ST6GALNAC3: variants seen among roughly 807,000 people sequenced by gnomAD.
ST6GALNAC3 encodes alpha-N-acetylgalactosaminide alpha-2,6-sialyltransferase 3.
In ST6GALNAC3, 25 loss-of-function variants were observed where a neutral mutation model predicts 32.7. The ratio of observed to expected loss-of-function variants is 0.76; its 90% confidence interval spans 0.56 to 1.07. The LOEUF (loss-of-function observed/expected upper bound fraction) is 1.07, where lower values mean the gene tolerates loss of function less well. Ranked by LOEUF, ST6GALNAC3 falls within the 50% of genes least tolerant of loss-of-function variation. ST6GALNAC3 has a pLI of 0.00. For missense variants in ST6GALNAC3, 355 were observed against 382.4 expected, an observed-to-expected ratio of 0.93 and a Z score of 0.60; for synonymous variants, 129 against 133.1, an observed-to-expected ratio of 0.97 and a Z score of 0.21.
chr1:76,470,805 A>C (rs1046069769), intron 3 of ST6GALNAC3, among the ~76,000 whole-genome samples: 2 of 152,096 alleles, frequency 1.3e-5, no homozygotes, highest in African/African-American at 4.8e-5. Context: ...GATTAGCTCC[A>C]CATAAACTGG....
intron 2 of ST6GALNAC3, among the ~76,000 whole-genome samples, chr1:76,322,629 G>A (rs1230311472): frequency 6.6e-6 from 1 of 152,118 alleles, no homozygotes; most frequent in Non-Finnish European, 1.5e-5. Flanking sequence ...CAAATTGTGA[G>A]TTCTTATTTT....
At chr1:76,208,991 G>A (rs1557697823) in intron 1 of ST6GALNAC3, among the ~76,000 whole-genome samples, 1 of 152,110 alleles carries the variant, frequency 6.6e-6, no homozygotes, top group Non-Finnish European at 1.5e-5. Flanking sequence ...CATCTTTAAT[G>A]ATAAATTTAT....
intron 3 of ST6GALNAC3, among the ~76,000 whole-genome samples, chr1:76,620,376 G>A (rs566508362): frequency 2.3e-4 from 35 of 152,202 alleles, no homozygotes; most frequent in African/African-American, 8.2e-4. Flanking sequence ...TAGGTGTGTT[G>A]AGGAGGGTCT....
intron 3 of ST6GALNAC3, among the ~76,000 whole-genome samples, chr1:76,620,411 T>G (rs1430821842): frequency 6.6e-6 from 1 of 152,098 alleles, no homozygotes; most frequent in Non-Finnish European, 1.5e-5. Flanking sequence ...TGTCTTGGTC[T>G]GCCCTGGCCA....
chr1:76,234,849 CAAT>C (rs1656559495), intron 1 of ST6GALNAC3, among the ~76,000 whole-genome samples: 1 of 152,174 alleles, frequency 6.6e-6, no homozygotes, highest in South Asian at 2.1e-4. Context: ...AGAATACAAG[CAAT>C]AATAGCAAAT....
At chr1:76,091,427 C>T (rs1380416008) in intron 1 of ST6GALNAC3, among the ~76,000 whole-genome samples, 1 of 152,156 alleles carries the variant, frequency 6.6e-6, no homozygotes, top group African/African-American at 2.4e-5. Flanking sequence ...GGACTTCTGC[C>T]CCATTGTGCA....
Position 76,212,064 on chromosome 1 carries a change from T to C in ST6GALNAC3, c.19-101741T>C, listed in dbSNP as rs112309827. ...ACAATTTTCACTTGCCAGACTTTCT[T>C]ATTTAAGCATATCCAGTAGATATTA... On this transcript the variant is annotated intron_variant, in intron 1 of 4. Transcript: ENST00000328299. Among the ~76,000 whole-genome samples the C allele has an allele frequency of 9.5e-4, 145 of 152,328 alleles. 3 individuals carry two copies. The highest frequency in any genetic ancestry group is 3.3e-3 in the African/African-American group (139 of 41,574).
At position 76,240,916 on chromosome 1, in the gene ST6GALNAC3, A is replaced by G. The variant is rs1367806469; in HGVS notation, c.19-72889A>G. Among the ~76,000 whole-genome samples, 4 of 152,368 alleles carry G rather than the reference A, an allele frequency of 2.6e-5. No homozygotes were observed. In the East Asian group the frequency reaches 7.7e-4, roughly 29 times the overall value. Reference sequence around the variant, plus strand: ...GGTACTTTTGAAAGAGCACTGAACCAAAAGCAGAACTAGGTTTAAGATACT... The same window carrying G: ...GGTACTTTTGAAAGAGCACTGAACCGAAAGCAGAACTAGGTTTAAGATACT... On this transcript the variant is annotated intron_variant, in intron 1 of 4. Coordinates refer to ENST00000328299, the MANE Select transcript of ST6GALNAC3 (RefSeq NM_152996.4).
At chr1:76,200,125 A>G (rs1004821833) in intron 1 of ST6GALNAC3, among the ~76,000 whole-genome samples, 10 of 152,194 alleles carry the variant, frequency 6.6e-5, no homozygotes, top group Admixed American at 4.6e-4. Context: ...TTTTTGTATA[A>G]TAAAACTTTT....
At chr1:76,589,596 C>T (rs1461962556) in intron 3 of ST6GALNAC3, among the ~76,000 whole-genome samples, 1 of 151,904 alleles carries the variant, frequency 6.6e-6, no homozygotes, top group African/African-American at 2.4e-5. Flanking sequence ...GTCTGAAATT[C>T]AGCATTAATA....
intron 3 of ST6GALNAC3, among the ~76,000 whole-genome samples, chr1:76,562,571 C>A (rs1278824256): frequency 6.6e-6 from 1 of 152,174 alleles, no homozygotes; most frequent in Non-Finnish European, 1.5e-5. Context: ...TTTGAAAACA[C>A]CCAGAGCCAA....
chr1:76,182,860 CATT>C (rs1450542362), intron 1 of ST6GALNAC3, among the ~76,000 whole-genome samples: 1 of 151,420 alleles, frequency 6.6e-6, no homozygotes, highest in African/African-American at 2.4e-5. Flanking sequence ...TTTTACTTCT[CATT>C]AGTTTTTACA....
intron 3 of ST6GALNAC3, among the ~76,000 whole-genome samples, chr1:76,506,472 C>T (rs189372223): frequency 4.1e-4 from 62 of 152,336 alleles, no homozygotes; most frequent in African/African-American, 1.4e-3. Flanking sequence ...GTCACCTTTG[C>T]TGAGGTTATC....
chr1:76,607,272 A>G (rs1379059999), intron 3 of ST6GALNAC3, among the ~76,000 whole-genome samples: 1 of 152,136 alleles, frequency 6.6e-6, no homozygotes, highest in Admixed American at 6.5e-5. Flanking sequence ...ATGTTCACCA[A>G]CCCAGAAGTT....
chr1:76,092,839 C>T (rs1400987848), intron 1 of ST6GALNAC3, among the ~76,000 whole-genome samples: 1 of 152,108 alleles, frequency 6.6e-6, no homozygotes, highest in East Asian at 1.9e-4. Flanking sequence ...GCCTGGCGTC[C>T]AGCGTGACTG....
intron 2 of ST6GALNAC3, among the ~76,000 whole-genome samples, chr1:76,330,540 A>G (rs1647170680): frequency 6.6e-6 from 1 of 152,206 alleles, no homozygotes; most frequent in Admixed American, 6.5e-5. Context: ...TTGGTCTCAA[A>G]TTATCATTAT....
Position 76,215,260 on chromosome 1 carries a change from A to G in ST6GALNAC3, c.19-98545A>G, listed in dbSNP as rs1655389375. Among the ~76,000 whole-genome samples, 5 of 152,218 alleles carry G rather than the reference A, an allele frequency of 3.3e-5. No homozygotes were observed. The South Asian group carries it at 1.0e-3, about 32-fold the overall frequency. Reference sequence around the variant, plus strand: ...AATAATTAAGAAAACTGCAACAGTAATTGACAGAGGACATGTAGTTTAACC... The same window carrying G: ...AATAATTAAGAAAACTGCAACAGTAGTTGACAGAGGACATGTAGTTTAACC... On this transcript the variant is annotated intron_variant, in intron 1 of 4. Coordinates refer to ENST00000328299, the MANE Select transcript of ST6GALNAC3 (RefSeq NM_152996.4).
At chr1:76,378,662 C>A (rs1256718837) in intron 2 of ST6GALNAC3, among the ~76,000 whole-genome samples, 2 of 102,500 alleles carry the variant, frequency 2.0e-5, no homozygotes, top group Non-Finnish European at 4.0e-5. Context: ...AATTCCTTCC[C>A]CCCCCCAAAA....
At chr1:76,563,776 T>G (rs1292137254) in intron 3 of ST6GALNAC3, among the ~76,000 whole-genome samples, 1 of 152,146 alleles carries the variant, frequency 6.6e-6, no homozygotes, top group African/African-American at 2.4e-5. Flanking sequence ...CATAGAAAAA[T>G]CAAGTAAAGC....
Sources: gnomAD v4.1 joint callset for allele counts (sites outside exome capture counted in the v4.1 genomes callset) on GRCh38, gnomAD v4.1.1 for gene constraint, MANE v1.5 for transcripts, NCBI Gene and HGNC (gene_info 2026-07-23, HGNC 2026-07-21) for gene names.